ZFX: variants seen among roughly 807,000 people sequenced by gnomAD.
ZFX encodes the protein zinc finger protein X-linked, also known as zinc finger X-chromosomal protein.
For synonymous variants in ZFX, 196 were observed against 226.8 expected, an observed-to-expected ratio of 0.86 and a Z score of 1.22; for missense variants, 362 against 628.3, an observed-to-expected ratio of 0.58 and a Z score of 4.53.
intron 3 of ZFX, among the ~76,000 whole-genome samples, chrX:24,169,022 C>T (rs1163343350): frequency 9.0e-6 from 1 of 111,169 alleles, no homozygotes; most frequent in Non-Finnish European, 1.9e-5. Flanking sequence ...TATCTGAGAA[C>T]TCCTCTGAGT....
rs140285947 is a variant in ZFX, at chrX:24,194,692, A to G, written c.647-12634A>G. Among the ~76,000 whole-genome samples, 104 of 111,787 alleles carry G rather than the reference A, an allele frequency of 9.3e-4. 3 individuals carry two copies. In the East Asian group the frequency reaches 0.029, roughly 31 times the overall value. On this transcript the variant is annotated intron_variant, in intron 5 of 9. Coordinates refer to ENST00000304543, the MANE Select transcript of ZFX (RefSeq NM_003410.4). ...AGTTTGGTGATGTTTTTGTGACCAG[A>G]AATGTGCCATAGGAACTTAACTCTT...
At chrX:24,163,320 C>A (rs368794782) in intron 3 of ZFX, among the ~76,000 whole-genome samples, 2 of 50,128 alleles carry the variant, frequency 4.0e-5, no homozygotes, top group Non-Finnish European at 3.6e-5. Context: ...ACTTGGGATT[C>A]ATAATTAACC....
chrX:24,153,815 T>C (rs1462406320), intron 3 of ZFX, among the ~76,000 whole-genome samples: 1 of 111,583 alleles, frequency 9.0e-6, no homozygotes, highest in Non-Finnish European at 1.9e-5. Flanking sequence ...TGGACCATTA[T>C]CTCTCAAAGC....
chrX:24,149,678 C>T (rs1404823783), upstream of ZFX: 3 of 110,781 alleles, frequency 2.7e-5, no homozygotes, highest in Non-Finnish European at 5.7e-5. Flanking sequence ...CAGCTCCGAG[C>T]TCGGCCCCTC....
At chrX:24,209,766 G>T (rs1266521077) in intron 9 of ZFX, among the ~76,000 whole-genome samples, 1 of 110,229 alleles carries the variant, frequency 9.1e-6, no homozygotes, top group Non-Finnish European at 1.9e-5. Context: ...AGTAGAGGCG[G>T]GTTTTCAGCA....
chrX:24,164,656 G>A (rs1272304182), intron 3 of ZFX, among the ~76,000 whole-genome samples: 2 of 111,491 alleles, frequency 1.8e-5, no homozygotes, highest in African/African-American at 6.5e-5. Context: ...TTAGGGCTGG[G>A]CACGGTGCCT....
At chrX:24,168,667 CTTTCT>C (rs1934246247) in intron 3 of ZFX, among the ~76,000 whole-genome samples, 2 of 73,811 alleles carry the variant, frequency 2.7e-5, no homozygotes, top group African/African-American at 5.8e-5. Flanking sequence ...TCTTTTCTTT[CTTTCT>C]TTTTTTTTTT....
chrX:24,198,896 T>A (rs1317758389), intron 5 of ZFX, among the ~76,000 whole-genome samples: 1 of 110,501 alleles, frequency 9.0e-6, no homozygotes, highest in African/African-American at 3.3e-5. Context: ...AGGTCTAGAG[T>A]GGAGATGTAA....
In ZFX at chrX:24,212,460, A is replaced by T. The variant is rs974513593; in HGVS notation, c.*1084A>T. On this transcript the variant is annotated 3_prime_UTR_variant, in exon 10 of 10. Coordinates refer to ENST00000304543, the MANE Select transcript of ZFX (RefSeq NM_003410.4). ...GAAAATAAGGACACTAGTATTTTTAAAGAGTAAAGATATTTTCTTTTAAAT... is the reference window on the plus strand; with the variant it reads ...GAAAATAAGGACACTAGTATTTTTATAGAGTAAAGATATTTTCTTTTAAAT... 4.4e-5 allele frequency: 5 copies of T among 112,636 alleles called. No individual in the cohort carries two copies. Among genetic ancestry groups the T allele is most frequent in the African/African-American group, 1.6e-4 (5 of 30,928 alleles). The allele number at this position is 112,636 out of a possible 1,213,427, so 9.3% of individuals were successfully genotyped here.
upstream of ZFX, chrX:24,149,031 A>G (rs1290543105): frequency 3.9e-5 from 4 of 103,120 alleles, no homozygotes; most frequent in African/African-American, 1.4e-4. Flanking sequence ...TTCTCCCCCC[A>G]CTCCACCCCC....
At chrX:24,196,134 G>C (rs888336627) in intron 5 of ZFX, among the ~76,000 whole-genome samples, 13 of 110,987 alleles carry the variant, frequency 1.2e-4, no homozygotes, top group African/African-American at 3.9e-4. Flanking sequence ...TTTTTTTTGA[G>C]ATGGAGTTTT....
At chrX:24,170,873 C>T (rs968191680) in intron 3 of ZFX, among the ~76,000 whole-genome samples, 6 of 111,357 alleles carry the variant, frequency 5.4e-5, no homozygotes, top group Admixed American at 9.6e-5. Context: ...CGGCCTCCCA[C>T]GGTGCTGGCA....
At chrX:24,184,228 C>T (rs1935922945) in intron 5 of ZFX, among the ~76,000 whole-genome samples, 1 of 111,437 alleles carries the variant, frequency 9.0e-6, no homozygotes, top group Non-Finnish European at 1.9e-5. Flanking sequence ...ATTACAAGAC[C>T]GGGCAACCCA....
At chrX:24,189,527 C>A (rs1291534845) in intron 5 of ZFX, among the ~76,000 whole-genome samples, 2 of 111,967 alleles carry the variant, frequency 1.8e-5, no homozygotes, top group East Asian at 5.6e-4. Context: ...TACATAAAGT[C>A]CAAACCCCTA....
intron 4 of ZFX, chrX:24,173,048 A>T (rs1294175869): frequency 3.5e-6 from 1 of 284,118 alleles, no homozygotes; most frequent in Non-Finnish European, 6.1e-6. Context: ...AGTTATGAAG[A>T]TAATATCTTG....
intron 5 of ZFX, among the ~76,000 whole-genome samples, chrX:24,194,987 A>G (rs952647148): frequency 9.1e-6 from 1 of 110,362 alleles, no homozygotes; most frequent in African/African-American, 3.3e-5. Flanking sequence ...ACCTCAAGTG[A>G]TCCTCCCACA....
intron 3 of ZFX, among the ~76,000 whole-genome samples, chrX:24,159,143 A>G (rs1382352337): frequency 9.0e-6 from 1 of 110,749 alleles, no homozygotes; most frequent in Non-Finnish European, 1.9e-5. Context: ...GGCATGTGCC[A>G]CCATGCTGGC....
chrX:24,202,682 C>T, intron 5 of ZFX, among the ~76,000 whole-genome samples: 1 of 111,969 alleles, frequency 8.9e-6, no homozygotes, highest in African/African-American at 3.2e-5. Context: ...GGACTCTGTC[C>T]TCACACTGCA....
chrX:24,209,078 C>T (rs369471822), intron 9 of ZFX, 38 bp downstream of exon 9: 5 of 1,209,132 alleles, frequency 4.1e-6, no homozygotes, highest in East Asian at 3.0e-5. Context: ...GCGTGCTCTG[C>T]GAGCTCTCAG....
Sources: allele counts gnomAD v4.1 joint callset (sites outside exome capture counted in the v4.1 genomes callset), GRCh38; gene constraint gnomAD v4.1.1; transcripts MANE v1.5; gene names NCBI Gene and HGNC (gene_info 2026-07-23, HGNC 2026-07-21).